Variants in MLIP observed in about 807,000 individuals in gnomAD.
MLIP encodes the protein muscular LMNA-interacting protein.
In MLIP, 79 loss-of-function variants were observed where a neutral mutation model predicts 84.8. That is an observed-to-expected ratio of 0.93 (90% CI 0.78 to 1.12). The LOEUF (loss-of-function observed/expected upper bound fraction) is 1.12, where lower values mean the gene tolerates loss of function less well. Ranked by LOEUF, MLIP falls within the 50% of genes most tolerant of loss-of-function variation. The pLI, the probability that MLIP is intolerant of heterozygous loss-of-function variation, is 0.00. For missense variants in MLIP, 1,257 were observed against 1,160.6 expected, an observed-to-expected ratio of 1.08 and a Z score of -1.21; for synonymous variants, 504 against 463.0, an observed-to-expected ratio of 1.09 and a Z score of -1.14.
intron 1 of MLIP, among the ~76,000 whole-genome samples, chr6:54,034,139 G>C (rs564952554): frequency 6.6e-6 from 1 of 152,172 alleles, no homozygotes; most frequent in Admixed American, 6.5e-5. Context: ...TTATTGTCTT[G>C]TCTTGATTGC....
intron 11 of MLIP, chr6:54,216,803 T>TTTA: frequency 1.0e-6 from 1 of 985,298 alleles, no homozygotes; most frequent in Non-Finnish European, 1.2e-6. Context: ...TCGAAACCAA[T>TTTA]TTATATTGGC....
intron 5 of MLIP, among the ~76,000 whole-genome samples, chr6:54,158,803 C>T (rs953266671): frequency 2.0e-5 from 3 of 151,964 alleles, no homozygotes; most frequent in Admixed American, 6.6e-5. Context: ...TAAGAGAGAA[C>T]TGGAGTTGCA....
At chr6:54,235,279 T>C (rs1343676616) in intron 12 of MLIP, among the ~76,000 whole-genome samples, 1 of 152,204 alleles carries the variant, frequency 6.6e-6, no homozygotes, top group Non-Finnish European at 1.5e-5. Context: ...ACCTTGGAAA[T>C]TCCTTACTGT....
At chr6:54,130,481 C>G (rs1236509054) in intron 3 of MLIP, among the ~76,000 whole-genome samples, 2 of 152,118 alleles carry the variant, frequency 1.3e-5, no homozygotes, top group Non-Finnish European at 2.9e-5. Context: ...GGGTTAGACC[C>G]TCTTCAAGGA....
intron 11 of MLIP, among the ~76,000 whole-genome samples, chr6:54,209,219 A>G (rs1038807692): frequency 6.6e-6 from 1 of 152,222 alleles, no homozygotes; most frequent in Non-Finnish European, 1.5e-5. Context: ...CATGAAGATA[A>G]TTGGGAACCT....
chr6:54,220,867 A>G (rs1041682706), intron 11 of MLIP, among the ~76,000 whole-genome samples: 1 of 152,142 alleles, frequency 6.6e-6, no homozygotes, highest in Admixed American at 6.6e-5. Context: ...TGATTGTACT[A>G]TGAGGTTGCA....
chr6:54,208,332 T>G (rs1779186278), intron 11 of MLIP, among the ~76,000 whole-genome samples: 1 of 152,178 alleles, frequency 6.6e-6, no homozygotes, highest in African/African-American at 2.4e-5. Flanking sequence ...ACGCCTGTAA[T>G]CCCAGCTCTT....
chr6:54,249,887 T>C (rs114138068), intron 12 of MLIP, among the ~76,000 whole-genome samples: 1,837 of 152,156 alleles, frequency 0.012, 38 homozygotes, highest in African/African-American at 0.04. Context: ...ACAGATTATT[T>C]CCTTAGCCAG....
chr6:54,253,169 T>C (rs112728340), intron 12 of MLIP, among the ~76,000 whole-genome samples: 4,080 of 152,196 alleles, frequency 0.027, 164 homozygotes, highest in African/African-American at 0.09. Context: ...ATGACAACAT[T>C]AGACTTATGA....
chr6:54,174,287 CTTTCTT>C (rs1360143049), intron 9 of MLIP, among the ~76,000 whole-genome samples: 3 of 151,756 alleles, frequency 2.0e-5, no homozygotes, highest in Admixed American at 6.6e-5. Context: ...CATGGTAGCT[CTTTCTT>C]TTTCATTTTC....
At chr6:54,125,727 G>A (rs559539109) in intron 3 of MLIP, among the ~76,000 whole-genome samples, 5 of 152,224 alleles carry the variant, frequency 3.3e-5, no homozygotes, top group African/African-American at 7.2e-5. Flanking sequence ...CAATGACCAC[G>A]AATTGTTACC....
At chr6:54,184,944 A>T (rs1455084899) in intron 9 of MLIP, among the ~76,000 whole-genome samples, 2 of 152,190 alleles carry the variant, frequency 1.3e-5, no homozygotes, top group East Asian at 3.9e-4. Flanking sequence ...GAGCGATATG[A>T]ATGATCAAAA....
At chr6:54,181,408 A>AG (rs56181356) in intron 9 of MLIP, among the ~76,000 whole-genome samples, 147,508 of 152,156 alleles carry the variant, frequency 0.97, 71,672 homozygotes, top group East Asian at 1. Flanking sequence ...CTCACCCTTC[A>AG]GGCAATGGGC....
chr6:54,194,490 G>A (rs1210284986), intron 10 of MLIP, among the ~76,000 whole-genome samples: 3 of 152,052 alleles, frequency 2.0e-5, no homozygotes, highest in Non-Finnish European at 4.4e-5. Flanking sequence ...ATGAGATACT[G>A]CCAATAATTA....
At chr6:54,106,599 G>A (rs949427204), upstream of MLIP, among the ~76,000 whole-genome samples, 2 of 152,160 alleles carry the variant, frequency 1.3e-5, no homozygotes, top group African/African-American at 4.8e-5. Context: ...ATACATTGAT[G>A]AGCGATTCTG....
intron 1 of MLIP, among the ~76,000 whole-genome samples, chr6:54,038,129 C>A (rs1469490834): frequency 6.6e-6 from 1 of 151,894 alleles, no homozygotes; most frequent in Non-Finnish European, 1.5e-5. Context: ...AGGGGACATA[C>A]TAGACTATTC....
intron 10 of MLIP, among the ~76,000 whole-genome samples, chr6:54,195,786 G>C (rs1389058534): frequency 6.6e-6 from 1 of 151,994 alleles, no homozygotes; most frequent in Non-Finnish European, 1.5e-5. Flanking sequence ...GTTAGCATCA[G>C]ATATAATATC....
At chr6:54,144,096 C>T (rs1772568702) in intron 4 of MLIP, among the ~76,000 whole-genome samples, 1 of 152,190 alleles carries the variant, frequency 6.6e-6, no homozygotes, top group South Asian at 2.1e-4. Flanking sequence ...TCTAGCTTTT[C>T]CATTATCAGG....
chr6:54,147,303 A>G (rs1440600810), intron 4 of MLIP, among the ~76,000 whole-genome samples: 3 of 152,206 alleles, frequency 2.0e-5, no homozygotes, highest in Admixed American at 1.3e-4. Flanking sequence ...CTGTCTAGTT[A>G]TAGGACTTCT....
Sources: allele counts gnomAD v4.1 joint callset (sites outside exome capture counted in the v4.1 genomes callset), GRCh38; gene constraint gnomAD v4.1.1; transcripts MANE v1.5; gene names NCBI Gene and HGNC (gene_info 2026-07-23, HGNC 2026-07-21).